Variants in BANF2 observed in about 807,000 individuals in gnomAD.
BANF2 encodes the protein BANF family member 2.
BANF2 carries 4 observed loss-of-function variants against 8.0 expected under a neutral mutation model. That is an observed-to-expected ratio of 0.50 (90% CI 0.25 to 1.14). The LOEUF (loss-of-function observed/expected upper bound fraction) is 1.14. Ranked by LOEUF, BANF2 falls within the 50% of genes most tolerant of loss-of-function variation. The pLI, the probability that BANF2 is intolerant of heterozygous loss-of-function variation, is 0.16. For synonymous variants in BANF2, 50 were observed against 40.6 expected (o/e 1.23, Z -0.88); for missense variants, 96 against 107.5 (o/e 0.89, Z 0.47).
At chr20:17,697,959 C>A (rs1275349096), upstream of BANF2, among the ~76,000 whole-genome samples, 1 of 151,888 alleles carries the variant, frequency 6.6e-6, no homozygotes, top group Non-Finnish European at 1.5e-5. Flanking sequence ...AATCCCAGCA[C>A]TTTGGGAGGC....
Position 17,702,038 on chromosome 20 carries a change from G to A in BANF2, c.-167+1983G>A, listed in dbSNP as rs75435112. Among the ~76,000 whole-genome samples the A allele has an allele frequency of 4.2e-3, 642 of 152,224 alleles. 8 individuals are homozygous for A. Among genetic ancestry groups the A allele is most frequent in the East Asian group, 0.037 (190 of 5,170 alleles). ...CCATGAGGTGGGTGTCATCAGCCCC[G>A]TTTCTCAGATGAGCATGGTTAGGTA... On this transcript the variant is annotated intron_variant, in intron 1 of 3. Transcript: ENST00000246090.
intron 3 of BANF2, among the ~76,000 whole-genome samples, chr20:17,734,840 A>T (rs1419614849): frequency 6.6e-6 from 1 of 152,214 alleles, no homozygotes; most frequent in Non-Finnish European, 1.5e-5. Flanking sequence ...TAATCCCAGC[A>T]CTTTGGGAGG....
chr20:17,724,062 G>T (rs958586346), intron 2 of BANF2, among the ~76,000 whole-genome samples: 2 of 152,134 alleles, frequency 1.3e-5, no homozygotes, highest in African/African-American at 4.8e-5. Context: ...CGGTTTTGCT[G>T]GGATGCAGAC....
intron 1 of BANF2, among the ~76,000 whole-genome samples, chr20:17,701,021 A>G (rs1277632820): frequency 6.6e-6 from 1 of 152,178 alleles, no homozygotes; most frequent in Non-Finnish European, 1.5e-5. Context: ...TGTAAGGTAG[A>G]AAGGGAGGTG....
chr20:17,723,524 A>G (rs1276903859), intron 2 of BANF2, among the ~76,000 whole-genome samples: 2 of 151,970 alleles, frequency 1.3e-5, no homozygotes, highest in African/African-American at 4.8e-5. Flanking sequence ...TGCTAATAAC[A>G]CCTCCCTATT....
intron 3 of BANF2, among the ~76,000 whole-genome samples, chr20:17,727,811 C>T (rs1364118365): frequency 6.6e-6 from 1 of 152,170 alleles, no homozygotes; most frequent in South Asian, 2.1e-4. Context: ...GTGACGTGAT[C>T]TCGGCTCACT....
chr20:17,697,141 GC>G (rs1413147222), upstream of BANF2, among the ~76,000 whole-genome samples: 8 of 152,132 alleles, frequency 5.3e-5, no homozygotes, highest in African/African-American at 1.9e-4. Flanking sequence ...TAACAGGCCA[GC>G]AGATATCCCT....
At position 17,704,544 on chromosome 20, in the gene BANF2, G is replaced by A. The variant is rs114594353; in HGVS notation, c.-167+4489G>A. 1.7e-3 allele frequency among the ~76,000 whole-genome samples: 262 copies of A among 152,272 alleles called. 4 individuals carry two copies. The highest frequency in any genetic ancestry group is 6.0e-3 in the African/African-American group (249 of 41,542). On this transcript the variant is annotated intron_variant, in intron 1 of 3. Coordinates refer to ENST00000246090, the MANE Select transcript of BANF2 (RefSeq NM_178477.5). ...CACTGTTGCTGAGGTCTACATGATC[G>A]GTCCCTTCTTCCCAGGCATCTGGGC...
rs75319549 is a variant in BANF2, at chr20:17,728,222, C to T, written c.126+3071C>T. Among the ~76,000 whole-genome samples, 234 of 152,312 alleles carry T rather than the reference C, an allele frequency of 1.5e-3. 2 individuals are homozygous for T. In the East Asian group the frequency reaches 0.027, roughly 17 times the overall value. On this transcript the variant is annotated intron_variant, in intron 3 of 3. Transcript: ENST00000246090. ...CTGTGCACAAAGCCACCTTGGGTTCCGCCCTTGCTTGTGACGGCGTTCCTG... is the reference window on the plus strand; with the variant it reads ...CTGTGCACAAAGCCACCTTGGGTTCTGCCCTTGCTTGTGACGGCGTTCCTG...
chr20:17,698,228 A>G (rs555559536), upstream of BANF2, among the ~76,000 whole-genome samples: 24 of 72,102 alleles, frequency 3.3e-4, 1 homozygote, highest in East Asian at 0.01. Flanking sequence ...AAATAATAAT[A>G]AAAAAAAAAG....
chr20:17,695,876 C>G (rs1309721622), upstream of BANF2, among the ~76,000 whole-genome samples: 5 of 152,170 alleles, frequency 3.3e-5, no homozygotes, highest in Non-Finnish European at 7.3e-5. Context: ...ATCTCTGTAG[C>G]CTCAGATCAG....
At chr20:17,734,224 G>A (rs1329400212) in intron 3 of BANF2, among the ~76,000 whole-genome samples, 2 of 152,224 alleles carry the variant, frequency 1.3e-5, no homozygotes, top group African/African-American at 4.8e-5. Context: ...TAGAAAGCTT[G>A]AGAATGCCAT....
At chr20:17,715,386 CTCAGTGAATG>C (rs1385264403) in intron 1 of BANF2, among the ~76,000 whole-genome samples, 1 of 152,174 alleles carries the variant, frequency 6.6e-6, no homozygotes, top group Non-Finnish European at 1.5e-5. Flanking sequence ...ACAGATGGCA[CTCAGTGAATG>C]TCTGAGGAAC....
chr20:17,707,040 G>C (rs1487768322), intron 1 of BANF2, among the ~76,000 whole-genome samples: 4 of 152,138 alleles, frequency 2.6e-5, no homozygotes, highest in Non-Finnish European at 5.9e-5. Flanking sequence ...GGCACTTTCA[G>C]ATGGGTTTGC....
At chr20:17,724,850 T>G (rs1465079794) in intron 2 of BANF2, among the ~76,000 whole-genome samples, 173 bp from the exon 3 acceptor site, 1 of 152,200 alleles carries the variant, frequency 6.6e-6, no homozygotes, top group Non-Finnish European at 1.5e-5. Flanking sequence ...AAGGCCTTAG[T>G]GGAGGCCAGT....
chr20:17,708,224 G>A (rs115052531), intron 1 of BANF2, among the ~76,000 whole-genome samples: 2,103 of 151,686 alleles, frequency 0.014, 54 homozygotes, highest in African/African-American at 0.048. Flanking sequence ...GATATGTCTC[G>A]AACAAAAACA....
At chr20:17,711,411 C>A (rs747123865) in intron 1 of BANF2, among the ~76,000 whole-genome samples, 2 of 152,262 alleles carry the variant, frequency 1.3e-5, no homozygotes, top group Non-Finnish European at 2.9e-5. Flanking sequence ...GACACCTCCA[C>A]ACAATGTGGT....
chr20:17,726,988 C>T (rs2037818126), intron 3 of BANF2, among the ~76,000 whole-genome samples: 1 of 152,200 alleles, frequency 6.6e-6, no homozygotes, highest in Non-Finnish European at 1.5e-5. Context: ...ATTCACCAGC[C>T]TCAGTCCCTG....
At chr20:17,735,360 C>T (rs1286700905) in intron 3 of BANF2, among the ~76,000 whole-genome samples, 1 of 152,160 alleles carries the variant, frequency 6.6e-6, no homozygotes, top group Non-Finnish European at 1.5e-5. Context: ...TTTCAGAACC[C>T]GCATTTTAAC....
Sources: gnomAD v4.1 joint callset for allele counts (sites outside exome capture counted in the v4.1 genomes callset) on GRCh38, gnomAD v4.1.1 for gene constraint, MANE v1.5 for transcripts, NCBI Gene and HGNC (gene_info 2026-07-23, HGNC 2026-07-21) for gene names.